Variants in CSMD1 observed in about 807,000 individuals in gnomAD.
The protein encoded by CSMD1 is CUB and sushi domain-containing protein 1.
CSMD1 carries 213 observed loss-of-function variants against 417.5 expected under a neutral mutation model. The ratio of observed to expected loss-of-function variants is 0.51; its 90% CI spans 0.46 to 0.57. The LOEUF is 0.57. Ranked by LOEUF, CSMD1 falls within the 20% of genes least tolerant of loss-of-function variation. The pLI, the probability that CSMD1 is intolerant of heterozygous loss-of-function variation, is 0.00. For missense variants in CSMD1, 6,923 were observed against 4,529.7 expected (o/e 1.53, Z -15.17); for synonymous variants, 2,862 against 1,736.8 (o/e 1.65, Z -16.11).
intron 21 of CSMD1, among the ~76,000 whole-genome samples, chr8:3,356,140 T>C (rs1476373704): frequency 6.6e-6 from 1 of 152,232 alleles, no homozygotes; most frequent in East Asian, 1.9e-4. Flanking sequence ...TTTAACTCAG[T>C]CGACATCCTT....
intron 52 of CSMD1, among the ~76,000 whole-genome samples, chr8:3,013,343 T>C (rs932168272): frequency 5.3e-5 from 8 of 152,200 alleles, no homozygotes; most frequent in Admixed American, 5.2e-4. Context: ...CTGGCACTGA[T>C]ATGGAAAACA....
intron 3 of CSMD1, among the ~76,000 whole-genome samples, chr8:4,145,386 A>T (rs567860135): frequency 6.6e-6 from 1 of 151,188 alleles, no homozygotes; most frequent in South Asian, 2.1e-4. Flanking sequence ...ATTATATACT[A>T]TAGTCTTCTT....
intron 10 of CSMD1, among the ~76,000 whole-genome samples, chr8:3,547,508 T>C: frequency 6.6e-6 from 1 of 152,198 alleles, no homozygotes; most frequent in East Asian, 1.9e-4. Context: ...TATTTATGCC[T>C]GATCACGTCT....
At chr8:3,535,844 A>G (rs748500234) in intron 10 of CSMD1, among the ~76,000 whole-genome samples, 2 of 152,090 alleles carry the variant, frequency 1.3e-5, no homozygotes, top group Non-Finnish European at 2.9e-5. Flanking sequence ...TTGTATATGA[A>G]GTGTGGTATT....
intron 1 of CSMD1, among the ~76,000 whole-genome samples, chr8:4,940,678 AC>A (rs1807937437): frequency 1.3e-5 from 2 of 151,768 alleles, no homozygotes; most frequent in Admixed American, 1.3e-4. Flanking sequence ...ACAAACCAAT[AC>A]CTTACAAGAT....
At chr8:3,887,712 A>T (rs940828385) in intron 5 of CSMD1, among the ~76,000 whole-genome samples, 1 of 152,222 alleles carries the variant, frequency 6.6e-6, no homozygotes, top group East Asian at 1.9e-4. Flanking sequence ...GTTTGGAAGG[A>T]AATAGCTTTG....
intron 5 of CSMD1, among the ~76,000 whole-genome samples, chr8:3,971,903 T>A (rs963931415): frequency 6.6e-6 from 1 of 152,190 alleles, no homozygotes; most frequent in Non-Finnish European, 1.5e-5. Flanking sequence ...TTGACTTTTT[T>A]GTTCTTGTTT....
chr8:3,610,587 A>T (rs946647936), intron 8 of CSMD1, among the ~76,000 whole-genome samples: 4 of 152,202 alleles, frequency 2.6e-5, no homozygotes, highest in African/African-American at 9.7e-5. Context: ...TGTACATCAG[A>T]TGCCCATGAT....
At chr8:4,348,450 T>G (rs1800900410) in intron 3 of CSMD1, among the ~76,000 whole-genome samples, 1 of 152,138 alleles carries the variant, frequency 6.6e-6, no homozygotes, top group Non-Finnish European at 1.5e-5. Context: ...TAGGCCTTTC[T>G]GATCATTTGC....
At chr8:4,301,016 C>A (rs1210200708) in intron 3 of CSMD1, among the ~76,000 whole-genome samples, 1 of 152,036 alleles carries the variant, frequency 6.6e-6, no homozygotes, top group Non-Finnish European at 1.5e-5. Context: ...GTCTTTATAG[C>A]AGCATGATAA....
chr8:3,641,618 A>T (rs1363996743), intron 7 of CSMD1, among the ~76,000 whole-genome samples: 1 of 152,188 alleles, frequency 6.6e-6, no homozygotes, highest in East Asian at 1.9e-4. Context: ...TTATCACAAG[A>T]TTTCTGAGAG....
chr8:4,645,540 C>T (rs930660860), intron 1 of CSMD1, among the ~76,000 whole-genome samples: 7 of 149,626 alleles, frequency 4.7e-5, no homozygotes, highest in African/African-American at 1.7e-4. Flanking sequence ...AGCATTAAGC[C>T]TTGAACATAT....
At chr8:3,307,922 C>T (rs1805009605) in intron 24 of CSMD1, 101 bp from the exon 25 acceptor site, 3 of 1,280,808 alleles carry the variant, frequency 2.3e-6, no homozygotes, top group African/African-American at 3.0e-5. Context: ...GCATTATATA[C>T]ATAGAGAAAA....
At chr8:3,909,417 C>A (rs928746463) in intron 5 of CSMD1, among the ~76,000 whole-genome samples, 3 of 151,962 alleles carry the variant, frequency 2.0e-5, no homozygotes. Flanking sequence ...TCAAGGGTGC[C>A]GAGGGCAGGA....
chr8:4,412,438 C>T (rs951037081), intron 3 of CSMD1, among the ~76,000 whole-genome samples: 13 of 152,178 alleles, frequency 8.5e-5, no homozygotes, highest in African/African-American at 2.9e-4. Context: ...TTGGAAGCTT[C>T]CCGAGGCCTC....
chr8:3,893,654 T>C (rs1221700137), intron 5 of CSMD1, among the ~76,000 whole-genome samples: 1 of 151,642 alleles, frequency 6.6e-6, no homozygotes, highest in African/African-American at 2.4e-5. Flanking sequence ...TTAGGAGAGG[T>C]AGTCAAGGAA....
chr8:3,380,552 C>T (rs11777268), intron 18 of CSMD1, among the ~76,000 whole-genome samples: 26,068 of 152,118 alleles, frequency 0.17, 2,865 homozygotes, highest in Non-Finnish European at 0.23. Flanking sequence ...TGGAATACTA[C>T]GCAGCCATAA....
At chr8:3,867,671 C>T (rs1427132783) in intron 5 of CSMD1, among the ~76,000 whole-genome samples, 1 of 152,068 alleles carries the variant, frequency 6.6e-6, no homozygotes, top group South Asian at 2.1e-4. Flanking sequence ...TTAATCTTCA[C>T]AGAAACCTAG....
At chr8:2,966,414 T>G (rs1803961609) in intron 58 of CSMD1, among the ~76,000 whole-genome samples, 156 bp downstream of exon 58, 1 of 152,180 alleles carries the variant, frequency 6.6e-6, no homozygotes, top group African/African-American at 2.4e-5. Context: ...CTTAAAGTAC[T>G]TAAGAAATAC....
Sources: gnomAD v4.1 joint callset for allele counts (sites outside exome capture counted in the v4.1 genomes callset) on GRCh38, gnomAD v4.1.1 for gene constraint, MANE v1.5 for transcripts, NCBI Gene and HGNC (gene_info 2026-07-23, HGNC 2026-07-21) for gene names.